Variants in ODF2 observed in about 807,000 individuals in gnomAD.
ODF2 encodes outer dense fiber of sperm tails 2, also known as outer dense fiber protein 2.
ODF2 carries 47 observed loss-of-function variants against 110.2 expected under a neutral mutation model. That is an observed-to-expected ratio of 0.43 (90% CI 0.34 to 0.54). The LOEUF (loss-of-function observed/expected upper bound fraction) is 0.54. Among genes scored for constraint, ODF2 ranks in the 20% least tolerant of loss-of-function variants. The probability of loss-of-function intolerance (pLI) is 0.03; values close to 1 mark genes in which losing one functional copy is unlikely to be tolerated. For synonymous variants in ODF2, 352 were observed against 397.7 expected (o/e 0.89, Z 1.37); for missense variants, 812 against 1,054.5 (o/e 0.77, Z 3.19).
At chr9:128,462,608 T>G (rs1371420373) in intron 4 of ODF2, among the ~76,000 whole-genome samples, 1 of 151,570 alleles carries the variant, frequency 6.6e-6, no homozygotes, top group Admixed American at 6.6e-5. Flanking sequence ...TTTTTTGTTT[T>G]TTTTTTTTTG....
intron 4 of ODF2, chr9:128,461,275 A>G (rs1836377280): frequency 5.0e-6 from 3 of 604,102 alleles, no homozygotes; most frequent in African/African-American, 3.7e-5. Context: ...CCAAAGGCAG[A>G]GATGAGGAAC....
intron 17 of ODF2, among the ~76,000 whole-genome samples, chr9:128,495,232 C>T (rs1043895971): frequency 9.2e-5 from 14 of 152,252 alleles, no homozygotes; most frequent in African/African-American, 3.4e-4. Context: ...GACGTGTGTA[C>T]TTGTGATAAT....
intron 4 of ODF2, among the ~76,000 whole-genome samples, chr9:128,461,599 A>G (rs1048847590): frequency 6.6e-6 from 1 of 152,024 alleles, no homozygotes; most frequent in African/African-American, 2.4e-5. Flanking sequence ...TTAAATTTTT[A>G]GTAGAGATGG....
chr9:128,499,113 G>A (rs200089818), exon 20 of ODF2: 60 of 1,614,174 alleles, frequency 3.7e-5, no homozygotes, highest in African/African-American at 6.7e-5. Context: ...CAGCTGCGGC[G>A]GAGCCGTGAT....
intron 8 of ODF2, among the ~76,000 whole-genome samples, chr9:128,475,677 G>T (rs1190434429): frequency 6.6e-6 from 1 of 151,224 alleles, no homozygotes; most frequent in Non-Finnish European, 1.5e-5. Context: ...ATGGAGTCTT[G>T]CTCTGTCGCC....
rs189296639 is a variant in ODF2, at chr9:128,493,775, T to C, written c.1753-735T>C. On this transcript the variant is annotated intron_variant, in intron 16 of 20. Transcript: ENST00000604420. ...GCATTGTGACTGCTTTCCTAGGGGC[T>C]TTAGAGTTAGACTTTTAAAATTTAT... is the stretch of plus-strand genomic sequence containing the variant. 8.7e-4 allele frequency among the ~76,000 whole-genome samples: 132 copies of C among 152,300 alleles called. 2 individuals carry two copies. Among genetic ancestry groups the C allele is most frequent in the Admixed American group, 8.4e-3 (128 of 15,298 alleles).
chr9:128,486,310 C>T (rs764420933), intron 13 of ODF2, among the ~76,000 whole-genome samples: 12 of 152,202 alleles, frequency 7.9e-5, no homozygotes, highest in Non-Finnish European at 1.3e-4. Flanking sequence ...CAGCTGCTGT[C>T]CTTAGGGAGT....
At chr9:128,471,779 G>A (rs1840048263) in intron 6 of ODF2, among the ~76,000 whole-genome samples, 1 of 152,086 alleles carries the variant, frequency 6.6e-6, no homozygotes, top group East Asian at 1.9e-4. Context: ...GGGTGCTAGG[G>A]AAGAAAGCAC....
At chr9:128,499,598 C>CGTTTT (rs113483745) in intron 20 of ODF2, among the ~76,000 whole-genome samples, 4,079 of 151,692 alleles carry the variant, frequency 0.027, 74 homozygotes, top group South Asian at 0.083. Flanking sequence ...CCCAGACTCA[C>CGTTTT]GTTTTGTTTT....
chr9:128,456,851 G>A, intron 1 of ODF2: 3 of 1,299,218 alleles, frequency 2.3e-6, no homozygotes, highest in Non-Finnish European at 2.9e-6. Flanking sequence ...CCCGGGGCCC[G>A]TGCAACCTCC....
At chr9:128,467,930 C>T (rs762480606) in intron 4 of ODF2, among the ~76,000 whole-genome samples, 2 of 152,008 alleles carry the variant, frequency 1.3e-5, no homozygotes, top group Non-Finnish European at 2.9e-5. Flanking sequence ...CTCCTGACCT[C>T]GTGATCCGCC....
intron 17 of ODF2, among the ~76,000 whole-genome samples, chr9:128,495,451 C>A (rs1845417383): frequency 6.6e-6 from 1 of 152,240 alleles, no homozygotes; most frequent in African/African-American, 2.4e-5. Context: ...CTGTCTGGTT[C>A]CCAAGCCCAC....
exon 5 of ODF2, chr9:128,469,272 T>C (rs1286138135): frequency 2.5e-6 from 4 of 1,614,010 alleles, no homozygotes; most frequent in Admixed American, 3.3e-5. Context: ...CAGAAGATGA[T>C]GACTCAGGTC....
At chr9:128,458,482 G>T (rs868041029) in intron 2 of ODF2, among the ~76,000 whole-genome samples, 5 of 141,658 alleles carry the variant, frequency 3.5e-5, no homozygotes, top group Admixed American at 7.1e-5. Flanking sequence ...AAAAAAAAAA[G>T]GCCAGGAGAT....
At chr9:128,496,384 C>A in intron 18 of ODF2, 1 of 1,336,564 alleles carries the variant, frequency 7.5e-7, no homozygotes, top group East Asian at 3.7e-5. Flanking sequence ...CACCTGTAGG[C>A]ACCACCTGTC....
intron 4 of ODF2, among the ~76,000 whole-genome samples, chr9:128,461,931 C>T (rs1320120831): frequency 6.6e-6 from 1 of 152,148 alleles, no homozygotes; most frequent in Non-Finnish European, 1.5e-5. Flanking sequence ...TAAATGGAAA[C>T]TGCTCTGACC....
chr9:128,480,882 T>C (rs1271212718), intron 8 of ODF2, among the ~76,000 whole-genome samples: 1 of 152,072 alleles, frequency 6.6e-6, no homozygotes, highest in Non-Finnish European at 1.5e-5. Context: ...TTTCCTAAAG[T>C]TACACATGAA....
intron 14 of ODF2, among the ~76,000 whole-genome samples, chr9:128,490,482 A>G (rs1205831098): frequency 6.6e-6 from 1 of 152,022 alleles, no homozygotes; most frequent in African/African-American, 2.4e-5. Context: ...ACAGGGTTTT[A>G]CCACGTTGGC....
At chr9:128,463,819 T>G (rs1156533457) in intron 4 of ODF2, among the ~76,000 whole-genome samples, 3 of 118,308 alleles carry the variant, frequency 2.5e-5, no homozygotes, top group African/African-American at 1.1e-4. Context: ...CTCTGAGGTA[T>G]GGCAAGGTTT....
Sources: gnomAD v4.1 joint callset for allele counts (sites outside exome capture counted in the v4.1 genomes callset) on GRCh38, gnomAD v4.1.1 for gene constraint, MANE v1.5 for transcripts, NCBI Gene and HGNC (gene_info 2026-07-23, HGNC 2026-07-21) for gene names.